The following FHOD3 variants were observed in gnomAD, a reference collection of about 807,000 sequenced individuals.
FHOD3 encodes formin homology 2 domain containing 3, also known as FH1/FH2 domain-containing protein 3.
FHOD3 carries 90 observed loss-of-function variants against 173.0 expected under a neutral mutation model. That is an observed-to-expected ratio of 0.52 (90% confidence interval 0.44 to 0.62). FHOD3 has a LOEUF of 0.62. FHOD3 is among the 20% of genes least tolerant of loss of function. The pLI is 0.00. For missense variants in FHOD3, 1,945 were observed against 2,034.7 expected, an observed-to-expected ratio of 0.96 and a Z score of 0.85; for synonymous variants, 828 against 823.0, an observed-to-expected ratio of 1.01 and a Z score of -0.10.
At chr18:36,304,074 A>C (rs2092027189) in intron 1 of FHOD3, among the ~76,000 whole-genome samples, 1 of 152,242 alleles carries the variant, frequency 6.6e-6, no homozygotes, top group African/African-American at 2.4e-5. Context: ...TTAAAGAGAT[A>C]CATCAACCAA....
intron 1 of FHOD3, among the ~76,000 whole-genome samples, chr18:36,309,802 G>C (rs1159664302): frequency 6.6e-6 from 1 of 152,186 alleles, no homozygotes; most frequent in Admixed American, 6.5e-5. Context: ...CATTTTTGTG[G>C]ACAGTGATTC....
chr18:36,612,346 G>T (rs1046250118), intron 9 of FHOD3, among the ~76,000 whole-genome samples: 1 of 152,150 alleles, frequency 6.6e-6, no homozygotes, highest in African/African-American at 2.4e-5. Context: ...GGGGAAATTG[G>T]TTAGCTATTT....
intron 3 of FHOD3, among the ~76,000 whole-genome samples, chr18:36,418,081 C>T (rs1048436071): frequency 9.2e-5 from 14 of 152,110 alleles, no homozygotes; most frequent in African/African-American, 2.7e-4. Context: ...TTGGTTTTTG[C>T]GGCAAAAATG....
chr18:36,436,938 C>T (rs947501853), intron 3 of FHOD3, among the ~76,000 whole-genome samples: 1 of 152,160 alleles, frequency 6.6e-6, no homozygotes, highest in African/African-American at 2.4e-5. Flanking sequence ...AGGAGTGTTG[C>T]TAAAATGAAA....
intron 10 of FHOD3, among the ~76,000 whole-genome samples, chr18:36,648,220 G>A (rs1371878689): frequency 6.6e-6 from 1 of 152,168 alleles, no homozygotes; most frequent in African/African-American, 2.4e-5. Context: ...TCAGGGGTGG[G>A]AAGGTTGGAT....
intron 20 of FHOD3, among the ~76,000 whole-genome samples, chr18:36,732,515 C>A (rs1421245654): frequency 1.3e-5 from 2 of 152,210 alleles, no homozygotes; most frequent in Non-Finnish European, 2.9e-5. Context: ...CAGGTGTGTT[C>A]TCTGTCTTCA....
chr18:36,713,471 T>C (rs2040282338), intron 18 of FHOD3, among the ~76,000 whole-genome samples: 1 of 152,192 alleles, frequency 6.6e-6, no homozygotes, highest in Non-Finnish European at 1.5e-5. Flanking sequence ...ACAATGTACT[T>C]GGAACACTAT....
intron 6 of FHOD3, among the ~76,000 whole-genome samples, chr18:36,590,739 T>C (rs2059188762): frequency 6.6e-6 from 1 of 152,166 alleles, no homozygotes; most frequent in African/African-American, 2.4e-5. Context: ...ACAGAGCCTG[T>C]ATCACAGAGG....
chr18:36,416,778 T>C (rs1040459234), intron 3 of FHOD3, among the ~76,000 whole-genome samples: 4 of 152,186 alleles, frequency 2.6e-5, no homozygotes, highest in African/African-American at 7.2e-5. Flanking sequence ...GGATACTTTG[T>C]CGCTTAAAAC....
At chr18:36,404,224 C>T (rs767442177) in intron 3 of FHOD3, among the ~76,000 whole-genome samples, 1 of 152,160 alleles carries the variant, frequency 6.6e-6, no homozygotes, top group African/African-American at 2.4e-5. Context: ...TCTGGACTAG[C>T]CCCAGGTCAG....
At chr18:36,366,263 G>A (rs2046894577) in intron 2 of FHOD3, among the ~76,000 whole-genome samples, 2 of 152,198 alleles carry the variant, frequency 1.3e-5, no homozygotes, top group South Asian at 2.1e-4. Context: ...ATGATGAGGA[G>A]AGAGGTGGGA....
At chr18:36,409,603 A>G (rs912067933) in intron 3 of FHOD3, among the ~76,000 whole-genome samples, 7 of 152,156 alleles carry the variant, frequency 4.6e-5, no homozygotes, top group Non-Finnish European at 7.4e-5. Context: ...GCCAGGCATT[A>G]TGCCCATTTC....
rs80190908 is a variant in FHOD3 at position 36,748,862 on chromosome 18, T to A, written c.4232+1727T>A. On this transcript the variant is annotated intron_variant, in intron 24 of 28. Coordinates refer to ENST00000590592, the MANE Select transcript of FHOD3 (RefSeq NM_001281740.3). ...TCTTGTTGAAATTGAGATGGAGGAC[T>A]GAGAGCCCCAAGGACTGTGCCTCAT... 8.8e-3 allele frequency among the ~76,000 whole-genome samples: 1,339 copies of A among 152,258 alleles called. 15 individuals are homozygous for A. The highest frequency in any genetic ancestry group is 0.03 in the African/African-American group (1,245 of 41,538).
chr18:36,772,138 ATTC>A (rs2043413705), intron 28 of FHOD3, among the ~76,000 whole-genome samples: 1 of 152,226 alleles, frequency 6.6e-6, no homozygotes, highest in African/African-American at 2.4e-5. Context: ...ACAGTCATAT[ATTC>A]TTTTTATTTA....
chr18:36,687,057 T>C (rs1032189310), intron 15 of FHOD3, 71 bp from the exon 16 acceptor site: 1 of 1,124,284 alleles, frequency 8.9e-7, no homozygotes, highest in South Asian at 1.4e-5. Flanking sequence ...TTATAATTTA[T>C]TGGTAATTTT....
intron 8 of FHOD3, among the ~76,000 whole-genome samples, chr18:36,605,182 A>G (rs556171416): frequency 1.1e-4 from 16 of 152,270 alleles, no homozygotes; most frequent in Admixed American, 7.8e-4. Context: ...AAAGTCATCT[A>G]TTTCCTGTCC....
chr18:36,768,729 A>G (rs1600642976), intron 27 of FHOD3, among the ~76,000 whole-genome samples: 1 of 152,182 alleles, frequency 6.6e-6, no homozygotes, highest in African/African-American at 2.4e-5. Flanking sequence ...TAATTCAAAG[A>G]TAAACTGTGT....
chr18:36,629,110 G>A (rs1488107891), intron 10 of FHOD3, among the ~76,000 whole-genome samples: 1 of 152,222 alleles, frequency 6.6e-6, no homozygotes, highest in Admixed American at 6.5e-5. Flanking sequence ...GATAGTGGAT[G>A]TTGACAACTG....
chr18:36,623,407 G>GA (rs1429474372), intron 9 of FHOD3, among the ~76,000 whole-genome samples: 2 of 152,090 alleles, frequency 1.3e-5, no homozygotes, highest in Non-Finnish European at 2.9e-5. Flanking sequence ...TTATAGAAAT[G>GA]AAAAAAACAT....
Sources: allele counts gnomAD v4.1 joint callset (sites outside exome capture counted in the v4.1 genomes callset), GRCh38; gene constraint gnomAD v4.1.1; transcripts MANE v1.5; gene names NCBI Gene and HGNC (gene_info 2026-07-23, HGNC 2026-07-21).